The following COG6 variants were observed in gnomAD, a reference collection of about 807,000 sequenced individuals.
COG6 encodes conserved oligomeric Golgi complex subunit 6.
A neutral mutation model predicts 88.8 loss-of-function variants in COG6; 74 were observed. The observed-to-expected ratio is 0.83, with a 90% CI of 0.69 to 1.01. The LOEUF (loss-of-function observed/expected upper bound fraction) is 1.01. Among genes scored for constraint, COG6 ranks in the 50% least tolerant of loss-of-function variants. COG6 has a pLI of 0.00. For missense variants in COG6, 800 were observed against 797.9 expected (o/e 1.00, Z -0.03); for synonymous variants, 286 against 278.7 (o/e 1.03, Z -0.26).
At chr13:39,786,275 C>A (rs1407998949) in intron 18 of COG6, among the ~76,000 whole-genome samples, 2 of 152,176 alleles carry the variant, frequency 1.3e-5, no homozygotes, top group Non-Finnish European at 2.9e-5. Context: ...TGGTCCAGAC[C>A]TCTGCGGCAG....
At chr13:39,768,425 G>T (rs959132858) in intron 18 of COG6, among the ~76,000 whole-genome samples, 7 of 152,220 alleles carry the variant, frequency 4.6e-5, no homozygotes, top group Non-Finnish European at 1.0e-4. Flanking sequence ...TGATTGCTGT[G>T]TGGGTGGCCT....
At chr13:39,734,833 C>T (rs534489980) in intron 18 of COG6, among the ~76,000 whole-genome samples, 1 of 151,920 alleles carries the variant, frequency 6.6e-6, no homozygotes, top group Non-Finnish European at 1.5e-5. Flanking sequence ...CTGAATTTAC[C>T]CCTTTATCAT....
chr13:39,699,683 T>G, intron 13 of COG6, 65 bp downstream of exon 13: 2 of 825,368 alleles, frequency 2.4e-6, no homozygotes, highest in Non-Finnish European at 4.2e-6. Flanking sequence ...TTTTAGTGAT[T>G]TTTGTATTGA....
intron 13 of COG6, among the ~76,000 whole-genome samples, chr13:39,715,227 T>C (rs975463392): frequency 1.3e-5 from 2 of 151,056 alleles, no homozygotes; most frequent in African/African-American, 2.4e-5. Context: ...TTTTTAAAGA[T>C]TTATTGCTTC....
intron 13 of COG6, among the ~76,000 whole-genome samples, chr13:39,711,994 C>T (rs1034192989): frequency 2.0e-5 from 3 of 151,980 alleles, no homozygotes; most frequent in Non-Finnish European, 2.9e-5. Flanking sequence ...CGAGTGGCTA[C>T]GATTACAGGT....
chr13:39,770,265 A>G (rs559411351), intron 18 of COG6, among the ~76,000 whole-genome samples: 15 of 152,310 alleles, frequency 9.8e-5, no homozygotes, highest in African/African-American at 2.9e-4. Flanking sequence ...AGAAGACAAC[A>G]CATGCCACAC....
At position 39,679,614 on chromosome 13, in the gene COG6, CG is replaced by C; in HGVS notation, c.619del (p.Ala207GlnfsTer3). On this transcript the variant is annotated frameshift_variant, in exon 6 of 19. Coordinates refer to ENST00000455146, the MANE Select transcript of COG6 (RefSeq NM_020751.3). LOFTEE classifies it high-confidence loss of function. ...VKVLLRTNQQ[T>X]AGLEIMEQMA... is the part of the protein sequence containing the mutation. The stretch of plus-strand genomic sequence containing the variant: ...GTTCTCTTGCGTACAAATCAACAAA[CG>C]GCAGGGTGAGTAACTGCTCACTGAA... 6.3e-7 allele frequency: 1 copy of C among 1,591,904 alleles called. No homozygotes were observed. The highest frequency in any genetic ancestry group is 8.6e-7 in the Non-Finnish European group (1 of 1,159,908).
chr13:39,723,487 A>G (rs775279986), intron 16 of COG6, 47 bp downstream of exon 16: 20 of 1,084,182 alleles, frequency 1.8e-5, no homozygotes, highest in South Asian at 1.0e-4. Flanking sequence ...ATGCCAGTTT[A>G]GAGTATGTCT....
intron 18 of COG6, among the ~76,000 whole-genome samples, chr13:39,781,224 T>C (rs903335341): frequency 4.6e-5 from 7 of 152,116 alleles, no homozygotes; most frequent in African/African-American, 1.7e-4. Context: ...AGGTGAGAGC[T>C]GCTACCCACA....
In COG6 at chr13:39,655,832, T is replaced by C; in HGVS notation, c.106T>C (p.Ser36Pro). The stretch of plus-strand genomic sequence containing the variant: ...CTCGGCGACGACCTGCAACCCGCTG[T>C]CGCGCAAGCTGCATAAGATCCTGGA... ...GTSATTCNPL[S>P]RKLHKILETR... The change falls in exon 1 of 19, where the codon TCG becomes CCG. Residue 36 changes from serine (S) to proline (P), a missense_variant. Ser to Pro is a moderately conservative substitution (Grantham distance 74, BLOSUM62 -1). Transcript: ENST00000455146. 1.2e-6 allele frequency: 2 copies of C among 1,604,808 alleles called. No homozygotes were observed. The highest frequency in any genetic ancestry group is 8.5e-7 in the Non-Finnish European group (1 of 1,176,536).
chr13:39,705,778 A>G (rs551206055), intron 13 of COG6, among the ~76,000 whole-genome samples: 21 of 152,220 alleles, frequency 1.4e-4, no homozygotes, highest in South Asian at 4.2e-4. Flanking sequence ...TGGGCATCAT[A>G]TGGGAACTTA....
intron 13 of COG6, among the ~76,000 whole-genome samples, chr13:39,711,119 G>GT (rs1878217114): frequency 6.6e-6 from 1 of 151,772 alleles, no homozygotes; most frequent in African/African-American, 2.4e-5. Flanking sequence ...CCTGTAACAT[G>GT]TAAGAATCAC....
At chr13:39,723,022 T>C (rs1878932268) in intron 15 of COG6, among the ~76,000 whole-genome samples, 1 of 152,110 alleles carries the variant, frequency 6.6e-6, no homozygotes. Flanking sequence ...TCTTCCTAAA[T>C]ATTTTATTTT....
chr13:39,790,404 T>C (rs1471658616), exon 19 of COG6: 1 of 152,162 alleles, frequency 6.6e-6, no homozygotes, highest in Non-Finnish European at 1.5e-5. Flanking sequence ...TTATTATTAT[T>C]TCTGGCTTTT....
chr13:39,720,466 C>T (rs966018516), intron 15 of COG6, among the ~76,000 whole-genome samples: 1 of 152,000 alleles, frequency 6.6e-6, no homozygotes, highest in Non-Finnish European at 1.5e-5. Context: ...ATGTTCTGTG[C>T]TATCACACAT....
At chr13:39,705,412 C>T (rs1274278759) in intron 13 of COG6, among the ~76,000 whole-genome samples, 2 of 152,052 alleles carry the variant, frequency 1.3e-5, no homozygotes, top group African/African-American at 2.4e-5. Flanking sequence ...AGGCATACTC[C>T]CTTCCTTATC....
chr13:39,672,662 G>A (rs1875722679), intron 4 of COG6, among the ~76,000 whole-genome samples: 1 of 151,996 alleles, frequency 6.6e-6, no homozygotes, highest in Admixed American at 6.6e-5. Context: ...AGACATTTGG[G>A]TTATTTCCAC....
intron 18 of COG6, among the ~76,000 whole-genome samples, chr13:39,787,668 T>C (rs1881816949): frequency 6.6e-6 from 1 of 152,192 alleles, no homozygotes. Context: ...ATCAGTTCTC[T>C]ATTTGTGCAG....
Position 39,752,098 on chromosome 13 carries a change from A to G in COG6, c.*1005A>G. ...TATTAGGAAGATTAAAAATGACTGT[A>G]TTTTTAAAGGAATAAATCCCAGTGT... On this transcript the variant is annotated 3_prime_UTR_variant, in exon 19 of 19. Coordinates refer to ENST00000455146, the MANE Select transcript of COG6 (RefSeq NM_020751.3). The G allele has an allele frequency of 7.8e-7, 1 of 1,283,440 alleles. No individual in the cohort carries two copies. Among genetic ancestry groups the G allele is most frequent in the Non-Finnish European group, 1.0e-6 (1 of 986,060 alleles). 79.5% of individuals were successfully genotyped at this position (1,283,440 alleles called of 1,614,324 possible).
Sources: gnomAD v4.1 joint callset for allele counts (sites outside exome capture counted in the v4.1 genomes callset) on GRCh38, gnomAD v4.1.1 for gene constraint, MANE v1.5 for transcripts, NCBI Gene and HGNC (gene_info 2026-07-23, HGNC 2026-07-21) for gene names.